The following PRIM2 variants were observed in gnomAD, a reference collection of about 807,000 sequenced individuals.
PRIM2 encodes the protein DNA primase large subunit.
PRIM2 carries 39 observed loss-of-function variants against 67.3 expected under a neutral mutation model. The observed-to-expected ratio is 0.58, with a 90% confidence interval of 0.45 to 0.76. The LOEUF (loss-of-function observed/expected upper bound fraction) is 0.76. Ranked by LOEUF, PRIM2 falls within the 30% of genes least tolerant of loss-of-function variation. The probability of loss-of-function intolerance (pLI) is 0.00; values close to 1 mark genes in which losing one functional copy is unlikely to be tolerated. For missense variants in PRIM2, 398 were observed against 598.7 expected (o/e 0.66, Z 3.50); for synonymous variants, 143 against 198.7 (o/e 0.72, Z 2.36).
At chr6:57,249,894 G>C in the PRIM2 span, among the ~76,000 whole-genome samples, 4 of 152,194 alleles carry the variant, frequency 2.6e-5, no homozygotes, top group Non-Finnish European at 4.4e-5. Context: ...CTGCAAGGTG[G>C]GGTGTTGGCT....
Position 57,646,529 on chromosome 6 carries a change from T to A in PRIM2, c.*371T>A, listed in dbSNP as rs1411347865. Reference sequence around the variant, plus strand: ...CCTGGCCTTTTTTTTTTTTTTAACCTTTTTGTTTAACTTCTCTCTTCACTG... The same window carrying A: ...CCTGGCCTTTTTTTTTTTTTTAACCATTTTGTTTAACTTCTCTCTTCACTG... On this transcript the variant is annotated 3_prime_UTR_variant, in exon 14 of 14. Transcript: ENST00000615550. 8.5e-3 allele frequency: 1,518 copies of A among 177,914 alleles called. 26 individuals are homozygous for A. Among genetic ancestry groups the A allele is most frequent in the African/African-American group, 0.034 (1,409 of 41,860 alleles). The allele number at this position is 177,914 out of a possible 1,614,324, so 11.0% of individuals were successfully genotyped here.
chr6:57,366,999 TC>T (rs1360973461), intron 5 of PRIM2, among the ~76,000 whole-genome samples: 27 of 152,296 alleles, frequency 1.8e-4, no homozygotes, highest in Admixed American at 1.0e-3. Flanking sequence ...AAATAATCTT[TC>T]CTTTTTAGTG....
At chr6:57,636,323 G>A (rs1206892106) in intron 13 of PRIM2, among the ~76,000 whole-genome samples, 1 of 152,052 alleles carries the variant, frequency 6.6e-6, no homozygotes, top group Non-Finnish European at 1.5e-5. Context: ...ATTTAGATGT[G>A]GATACCTCTA....
chr6:57,246,151 TTTAA>T, the PRIM2 span, among the ~76,000 whole-genome samples: 1 of 152,262 alleles, frequency 6.6e-6, no homozygotes, highest in African/African-American at 2.4e-5. Flanking sequence ...CTGTAACTTA[TTTAA>T]TTGTTAACAA....
At chr6:57,587,515 T>G (rs1776212461) in intron 10 of PRIM2, among the ~76,000 whole-genome samples, 1 of 151,654 alleles carries the variant, frequency 6.6e-6, no homozygotes, top group Non-Finnish European at 1.5e-5. Context: ...ATACAAAAAA[T>G]TAGCTGGGCG....
chr6:57,288,076 T>G, the PRIM2 span, among the ~76,000 whole-genome samples: 1 of 152,206 alleles, frequency 6.6e-6, no homozygotes, highest in Non-Finnish European at 1.5e-5. Flanking sequence ...GCTCAAATAC[T>G]GTGCTTTTCC....
the PRIM2 span, among the ~76,000 whole-genome samples, chr6:57,290,054 C>T: frequency 6.6e-6 from 1 of 151,678 alleles, no homozygotes; most frequent in East Asian, 1.9e-4. Context: ...ATTCAGGAGA[C>T]CCGTCTCACA....
chr6:57,631,024 G>A (rs1295584658), intron 12 of PRIM2, among the ~76,000 whole-genome samples: 1 of 152,148 alleles, frequency 6.6e-6, no homozygotes, highest in Non-Finnish European at 1.5e-5. Flanking sequence ...TTAATAAAAG[G>A]TGACACGAAA....
chr6:57,297,402 T>C, the PRIM2 span, among the ~76,000 whole-genome samples: 24 of 152,094 alleles, frequency 1.6e-4, no homozygotes, highest in Non-Finnish European at 3.1e-4. Flanking sequence ...AGATCAAGAT[T>C]GTGTTACTGC....
At chr6:57,619,174 A>G (rs1363956818) in intron 12 of PRIM2, among the ~76,000 whole-genome samples, 11 of 152,200 alleles carry the variant, frequency 7.2e-5, no homozygotes, top group Non-Finnish European at 1.6e-4. Flanking sequence ...AGAGACAACA[A>G]TTATTGCAGT....
Position 57,646,181 on chromosome 6 carries a change from T to A in PRIM2, c.*23T>A. 6.8e-7 allele frequency: 1 copy of A among 1,464,790 alleles called. No homozygotes were observed. The highest frequency in any genetic ancestry group is 1.8e-5 in the Admixed American group (1 of 56,750). 90.7% of individuals were successfully genotyped at this position (1,464,790 alleles called of 1,614,324 possible). A position where few individuals can be genotyped will look rare whatever the true frequency, so the allele number is the denominator to read the frequency against. ...TAGGCAGTTTTATAACCCTTTTTCC[T>A]CAATAGCCTGTTTCCTGTTTTTAAG... is the stretch of plus-strand genomic sequence containing the variant. On this transcript the variant is annotated 3_prime_UTR_variant, in exon 14 of 14. Transcript: ENST00000615550.
intron 13 of PRIM2, among the ~76,000 whole-genome samples, chr6:57,639,024 A>G (rs1196266367): frequency 1.3e-5 from 2 of 152,204 alleles, no homozygotes; most frequent in Non-Finnish European, 2.9e-5. Flanking sequence ...ACTCCTCAGC[A>G]TATGCAAAAG....
intron 7 of PRIM2, among the ~76,000 whole-genome samples, chr6:57,506,216 T>G (rs1383984414): frequency 6.6e-6 from 1 of 152,018 alleles, no homozygotes; most frequent in Admixed American, 6.6e-5. Flanking sequence ...TTTATTGTAT[T>G]TTAAATTAGT....
intron 7 of PRIM2, among the ~76,000 whole-genome samples, chr6:57,468,170 A>G: frequency 6.6e-6 from 1 of 152,286 alleles, no homozygotes; most frequent in Admixed American, 6.5e-5. Flanking sequence ...ACTATGTTGA[A>G]TAGGAATGGT....
rs116979321 is a variant in PRIM2, at chr6:57,327,775, T to C, written c.459+1730T>C. 3.9e-5 allele frequency among the ~76,000 whole-genome samples: 6 copies of C among 152,340 alleles called. No individual in the cohort carries two copies. In the East Asian group the frequency reaches 1.2e-3, roughly 29 times the overall value. On this transcript the variant is annotated intron_variant, in intron 5 of 13. Coordinates refer to ENST00000615550, the MANE Select transcript of PRIM2 (RefSeq NM_000947.5). ...AGTAGGTCATAGAGAGAGGTGTCCT[T>C]GAGAAGGTCTATTATTTATTCTAGG...
chr6:57,291,653 C>A, the PRIM2 span, among the ~76,000 whole-genome samples: 1 of 152,206 alleles, frequency 6.6e-6, no homozygotes, highest in African/African-American at 2.4e-5. Context: ...TCACCACGAT[C>A]AAGTTGGCTT....
chr6:57,469,993 T>C (rs1773296912), intron 7 of PRIM2, among the ~76,000 whole-genome samples: 2 of 151,868 alleles, frequency 1.3e-5, no homozygotes, highest in Non-Finnish European at 2.9e-5. Context: ...TTTCTAGTAC[T>C]TTGGAGGCTA....
chr6:57,339,902 C>T lies in PRIM2; in HGVS notation c.459+13857C>T, dbSNP rs551840709. On this transcript the variant is annotated intron_variant, in intron 5 of 13. Transcript: ENST00000615550. ...GCTTCTGCACAGCAAAAGAAACTAC[C>T]ATCAGAGTGAACAGGCAACCTACAA... Among the ~76,000 whole-genome samples the T allele has an allele frequency of 4.1e-3, 615 of 150,702 alleles. 9 individuals are homozygous for T. In the East Asian group the frequency reaches 0.042, roughly 10 times the overall value.
chr6:57,465,412 A>C (rs34830782), intron 7 of PRIM2, among the ~76,000 whole-genome samples: 3 of 152,198 alleles, frequency 2.0e-5, no homozygotes, highest in East Asian at 1.9e-4. Context: ...GGACTGTCAG[A>C]CAATCTAGAG....
Sources: gnomAD v4.1 joint callset for allele counts (sites outside exome capture counted in the v4.1 genomes callset) on GRCh38, gnomAD v4.1.1 for gene constraint, MANE v1.5 for transcripts, NCBI Gene and HGNC (gene_info 2026-07-23, HGNC 2026-07-21) for gene names.